EYA2: variants seen among roughly 807,000 people sequenced by gnomAD.
EYA2 encodes protein phosphatase EYA2.
In EYA2, 31 loss-of-function variants were observed where a neutral mutation model predicts 69.2. That is an observed-to-expected ratio of 0.45 (90% confidence interval 0.34 to 0.60). EYA2 has a LOEUF of 0.60. EYA2 is among the 20% of genes least tolerant of loss of function. The probability of loss-of-function intolerance (pLI) is 0.02; values close to 1 mark genes in which losing one functional copy is unlikely to be tolerated. For synonymous variants in EYA2, 257 were observed against 279.4 expected, an observed-to-expected ratio of 0.92 and a Z score of 0.80; for missense variants, 622 against 701.2, an observed-to-expected ratio of 0.89 and a Z score of 1.28.
Position 46,912,952 on chromosome 20 carries a change from G to A in EYA2, c.-11+17965G>A, listed in dbSNP as rs926467379. Among the ~76,000 whole-genome samples, 14 of 151,058 alleles carry A rather than the reference G, an allele frequency of 9.3e-5. No individual in the cohort carries two copies. The East Asian group carries it at 1.7e-3, about 19-fold the overall frequency. ...CCTGACCTCATGATCCACCCGCCTCGGCCTCCCAAAGTGCTGGGATTACAG... is the reference window on the plus strand; with the variant it reads ...CCTGACCTCATGATCCACCCGCCTCAGCCTCCCAAAGTGCTGGGATTACAG... On this transcript the variant is annotated intron_variant, in intron 1 of 15. Transcript: ENST00000327619.
At chr20:47,054,893 G>A (rs999744608) in intron 5 of EYA2, among the ~76,000 whole-genome samples, 8 of 152,340 alleles carry the variant, frequency 5.3e-5, no homozygotes, top group Middle Eastern at 3.4e-3. Context: ...ATTGTAAACT[G>A]CAGCTATTAC....
chr20:47,062,564 G>A (rs908420602), intron 5 of EYA2, among the ~76,000 whole-genome samples: 14 of 152,302 alleles, frequency 9.2e-5, no homozygotes, highest in African/African-American at 3.4e-4. Flanking sequence ...GCTGTAATAA[G>A]GGAGGATGGC....
At chr20:47,038,770 C>T (rs1049603386) in intron 5 of EYA2, among the ~76,000 whole-genome samples, 2 of 152,166 alleles carry the variant, frequency 1.3e-5, no homozygotes, top group Non-Finnish European at 2.9e-5. Context: ...CCCCGTTCCC[C>T]GCACGTAGCC....
At chr20:47,037,035 C>T (rs184660784) in intron 5 of EYA2, among the ~76,000 whole-genome samples, 85 of 152,222 alleles carry the variant, frequency 5.6e-4, no homozygotes, top group African/African-American at 1.9e-3. Context: ...CTTCAGGAAA[C>T]TTACAATGAT....
At chr20:47,001,257 A>G (rs1982348771) in intron 2 of EYA2, among the ~76,000 whole-genome samples, 171 bp from the exon 3 acceptor site, 2 of 152,026 alleles carry the variant, frequency 1.3e-5, no homozygotes, top group South Asian at 4.1e-4. Flanking sequence ...CGAACTCCTC[A>G]AGAAGAAGAG....
chr20:46,963,891 A>G (rs1343095104), intron 1 of EYA2, among the ~76,000 whole-genome samples: 1 of 152,222 alleles, frequency 6.6e-6, no homozygotes, highest in Non-Finnish European at 1.5e-5. Flanking sequence ...CATGATGGGA[A>G]CACGGGCTGC....
chr20:47,162,657 T>G (rs1194070713), intron 10 of EYA2, among the ~76,000 whole-genome samples: 2 of 151,614 alleles, frequency 1.3e-5, no homozygotes, highest in East Asian at 3.9e-4. Context: ...TAGCTACAAC[T>G]GTAGGTACAT....
At chr20:46,923,383 A>G (rs369069474) in intron 1 of EYA2, among the ~76,000 whole-genome samples, 92 of 152,284 alleles carry the variant, frequency 6.0e-4, no homozygotes, top group African/African-American at 2.1e-3. Context: ...AACAAAAGAA[A>G]TGTTCTAGAC....
At chr20:47,102,547 A>G (rs2032453962) in intron 9 of EYA2, among the ~76,000 whole-genome samples, 1 of 152,248 alleles carries the variant, frequency 6.6e-6, no homozygotes, top group Non-Finnish European at 1.5e-5. Context: ...AGTACCAGCC[A>G]GAGTGGGGAC....
chr20:47,148,374 A>AGG (rs2033751406), intron 10 of EYA2, among the ~76,000 whole-genome samples: 1 of 152,200 alleles, frequency 6.6e-6, no homozygotes, highest in South Asian at 2.1e-4. Flanking sequence ...CCTTTCCACC[A>AGG]GGGGGCTACA....
At chr20:47,187,938 G>A (rs2034679597) in intron 15 of EYA2, 115 bp from the exon 16 acceptor site, 3 of 1,077,858 alleles carry the variant, frequency 2.8e-6, no homozygotes, top group Middle Eastern at 2.8e-4. Context: ...AGTTTGGGAA[G>A]TCCCCACGTG....
chr20:47,142,907 G>A lies in EYA2; in HGVS notation c.889-152G>A, dbSNP rs3818913. On this transcript the variant is annotated intron_variant, in intron 9 of 15. Coordinates refer to ENST00000327619, the MANE Select transcript of EYA2 (RefSeq NM_005244.5). Reference sequence around the variant, plus strand: ...AGCTGTACAACATGATTATCACACCGGCCTCACACAGAGACTCATTTTAGG... The same window carrying A: ...AGCTGTACAACATGATTATCACACCAGCCTCACACAGAGACTCATTTTAGG... The A allele has an allele frequency of 0.014, 6,938 of 511,120 alleles. 402 individuals are homozygous for A. In the East Asian group the frequency reaches 0.15, roughly 11 times the overall value. The allele number at this position is 511,120 out of a possible 1,614,324, so 31.7% of individuals were successfully genotyped here. A position where few individuals can be genotyped will look rare whatever the true frequency, so the allele number is the denominator to read the frequency against.
intron 11 of EYA2, 116 bp from the exon 12 acceptor site, chr20:47,172,591 G>A: frequency 1.9e-6 from 2 of 1,030,934 alleles, no homozygotes; most frequent in East Asian, 2.5e-5. Flanking sequence ...TGCATTTCGA[G>A]GGGCTCATGG....
At chr20:47,107,431 C>T (rs1046815273) in intron 9 of EYA2, among the ~76,000 whole-genome samples, 9 of 149,804 alleles carry the variant, frequency 6.0e-5, no homozygotes, top group African/African-American at 2.0e-4. Flanking sequence ...AGGCTTGAGG[C>T]ATGAGAGTTA....
chr20:47,014,788 T>C (rs770084083), intron 4 of EYA2, among the ~76,000 whole-genome samples: 32 of 152,146 alleles, frequency 2.1e-4, no homozygotes, highest in Non-Finnish European at 2.9e-5. Context: ...GTTGCATGTG[T>C]GTGTGTTATG....
intron 9 of EYA2, among the ~76,000 whole-genome samples, chr20:47,104,071 G>T (rs2032506406): frequency 6.6e-6 from 1 of 152,126 alleles, no homozygotes; most frequent in Non-Finnish European, 1.5e-5. Flanking sequence ...CATGTAAAAT[G>T]GCTCCAATTT....
At chr20:46,957,462 T>C (rs1979196696) in intron 1 of EYA2, among the ~76,000 whole-genome samples, 1 of 152,012 alleles carries the variant, frequency 6.6e-6, no homozygotes, top group Non-Finnish European at 1.5e-5. Flanking sequence ...GGGATTATCT[T>C]GGATTATCCA....
At chr20:47,139,631 T>A (rs139109913) in intron 9 of EYA2, among the ~76,000 whole-genome samples, 2,622 of 152,264 alleles carry the variant, frequency 0.017, 114 homozygotes, top group East Asian at 0.17. Flanking sequence ...GGTTTCTCCA[T>A]GTTGGTCAGG....
intron 7 of EYA2, among the ~76,000 whole-genome samples, chr20:47,075,270 G>C (rs1010601461): frequency 1.3e-5 from 2 of 152,252 alleles, no homozygotes. Context: ...ATAAAGTGCA[G>C]TGTAGAGTTA....
Sources: gnomAD v4.1 joint callset for allele counts (sites outside exome capture counted in the v4.1 genomes callset) on GRCh38, gnomAD v4.1.1 for gene constraint, MANE v1.5 for transcripts, NCBI Gene and HGNC (gene_info 2026-07-23, HGNC 2026-07-21) for gene names.